The following SRGAP2 variants were observed in gnomAD, a reference collection of about 807,000 sequenced individuals.
SRGAP2 encodes the protein SLIT-ROBO Rho GTPase-activating protein 2.
A neutral mutation model predicts 57.2 loss-of-function variants in SRGAP2; 15 were observed. That is an observed-to-expected ratio of 0.26 (90% CI 0.18 to 0.40). The LOEUF is 0.40. SRGAP2 is among the 10% of genes least tolerant of loss of function. SRGAP2 has a pLI of 1.00. For synonymous variants in SRGAP2, 249 were observed against 248.0 expected (o/e 1.00, Z -0.04); for missense variants, 520 against 669.6 (o/e 0.78, Z 2.47).
intron 2 of SRGAP2, among the ~76,000 whole-genome samples, chr1:206,260,321 G>A (rs1461362003): frequency 2.7e-5 from 4 of 145,844 alleles, no homozygotes; most frequent in African/African-American, 1.0e-4. Context: ...GTCCCAAAGT[G>A]GACGAAATGG....
At chr1:206,368,591 T>TA (rs1423271512) in intron 4 of SRGAP2, among the ~76,000 whole-genome samples, 2 of 87,804 alleles carry the variant, frequency 2.3e-5, no homozygotes, top group East Asian at 6.6e-4. Flanking sequence ...GTTTTCAAAA[T>TA]TTAAACTTAG....
At chr1:206,392,152 C>T (rs1239865174) in intron 5 of SRGAP2, among the ~76,000 whole-genome samples, 1 of 151,982 alleles carries the variant, frequency 6.6e-6, no homozygotes, top group East Asian at 1.9e-4. Flanking sequence ...CTGGATAAAG[C>T]AGAACAGACA....
chr1:206,281,461 G>A (rs1412911101), intron 2 of SRGAP2, among the ~76,000 whole-genome samples: 2 of 105,302 alleles, frequency 1.9e-5, no homozygotes, highest in African/African-American at 1.1e-4. Flanking sequence ...CCTGCCCAGG[G>A]AACCTGGAGA....
At chr1:206,413,330 T>C (rs1407786955) in intron 10 of SRGAP2, among the ~76,000 whole-genome samples, 1 of 152,180 alleles carries the variant, frequency 6.6e-6, no homozygotes, top group African/African-American at 2.4e-5. Context: ...TTTCCACCTC[T>C]GGGCCCTAAA....
chr1:206,384,879 C>T (rs1572014036), intron 5 of SRGAP2, among the ~76,000 whole-genome samples: 2 of 148,884 alleles, frequency 1.3e-5, no homozygotes, highest in East Asian at 4.0e-4. Flanking sequence ...TCAGGGGCCC[C>T]TTCTCCAGCT....
intron 10 of SRGAP2, among the ~76,000 whole-genome samples, chr1:206,411,889 C>G (rs1659256231): frequency 6.6e-6 from 1 of 152,192 alleles, no homozygotes; most frequent in Admixed American, 6.5e-5. Context: ...CTTTTAGGTT[C>G]ACTGAGGAGG....
intron 17 of SRGAP2, among the ~76,000 whole-genome samples, chr1:206,443,278 T>A (rs1662470411): frequency 6.6e-6 from 1 of 152,176 alleles, no homozygotes; most frequent in Admixed American, 6.6e-5. Flanking sequence ...CATGAGTGAC[T>A]ACAAGTCGAC....
chr1:206,388,161 G>GA (rs1239066371), intron 5 of SRGAP2, among the ~76,000 whole-genome samples: 1 of 148,474 alleles, frequency 6.7e-6, no homozygotes, highest in East Asian at 2.0e-4. Context: ...CTAGAATTGA[G>GA]AAAAAAGAGG....
intron 2 of SRGAP2, among the ~76,000 whole-genome samples, chr1:206,263,522 A>G (rs1669696379): frequency 6.6e-6 from 1 of 152,164 alleles, no homozygotes; most frequent in African/African-American, 2.4e-5. Context: ...TGATGGACAG[A>G]TTGCCCCTCC....
At chr1:206,237,292 A>AG (rs1356706112) in intron 2 of SRGAP2, among the ~76,000 whole-genome samples, 10 of 152,026 alleles carry the variant, frequency 6.6e-5, no homozygotes, top group Middle Eastern at 3.2e-3. Context: ...CCTGTCTCAG[A>AG]GGGGGGAAAA....
At chr1:206,232,144 G>A (rs1474084583) in intron 2 of SRGAP2, among the ~76,000 whole-genome samples, 4 of 151,958 alleles carry the variant, frequency 2.6e-5, no homozygotes, top group Non-Finnish European at 5.9e-5. Flanking sequence ...TTCAGCGTCT[G>A]TGCTCCCGGG....
chr1:206,427,783 G>C (rs1436951980), intron 13 of SRGAP2, among the ~76,000 whole-genome samples: 7 of 152,132 alleles, frequency 4.6e-5, no homozygotes, highest in Non-Finnish European at 1.0e-4. Context: ...CCACACAGCT[G>C]AATTATTGTA....
chr1:206,292,857 C>T (rs1405576078), intron 2 of SRGAP2, among the ~76,000 whole-genome samples: 1 of 150,840 alleles, frequency 6.6e-6, no homozygotes, highest in Non-Finnish European at 1.5e-5. Context: ...ACTGCCTTTT[C>T]CAGTAGGATG....
At chr1:206,455,266 G>C (rs115901160) in intron 21 of SRGAP2, 1 of 552,594 alleles carries the variant, frequency 1.8e-6, no homozygotes, top group Non-Finnish European at 3.3e-6. Flanking sequence ...GTGCTTTACT[G>C]TGTGTTCCCG....
At chr1:206,422,546 C>T (rs1204624355) in intron 13 of SRGAP2, among the ~76,000 whole-genome samples, 5 of 152,164 alleles carry the variant, frequency 3.3e-5, no homozygotes, top group African/African-American at 1.2e-4. Flanking sequence ...GCAGAGGGAG[C>T]AAGCCATTTT....
chr1:206,249,784 C>T (rs2102581110), intron 2 of SRGAP2, among the ~76,000 whole-genome samples: 1 of 151,450 alleles, frequency 6.6e-6, no homozygotes, highest in Admixed American at 6.6e-5. Context: ...TTATCAAGAC[C>T]CTCTAGGCTA....
chr1:206,411,547 G>A (rs1308073834), intron 10 of SRGAP2, among the ~76,000 whole-genome samples: 11 of 152,148 alleles, frequency 7.2e-5, no homozygotes, highest in African/African-American at 2.7e-4. Flanking sequence ...GGGAGGAGGG[G>A]AAATGTCAGC....
rs1489943692 is a variant in SRGAP2, at chr1:206,229,459, C to T, written c.67+23422C>T. Reference sequence around the variant, plus strand: ...AGCTGAAGCCTGGGTGTGGTGGAAACTTGTGCAGGCCTGCTTGGCTGTGCC... The same window carrying T: ...AGCTGAAGCCTGGGTGTGGTGGAAATTTGTGCAGGCCTGCTTGGCTGTGCC... On this transcript the variant is annotated intron_variant, in intron 2 of 22. Coordinates refer to ENST00000573034, the MANE Select transcript of SRGAP2 (RefSeq NM_015326.5). Among the ~76,000 whole-genome samples, 6 of 152,288 alleles carry T rather than the reference C, an allele frequency of 3.9e-5. No individual in the cohort carries two copies. The East Asian group carries it at 9.7e-4, about 25-fold the overall frequency.
intron 2 of SRGAP2, among the ~76,000 whole-genome samples, chr1:206,249,889 T>G (rs1489355376): frequency 6.9e-6 from 1 of 145,870 alleles, no homozygotes; most frequent in Non-Finnish European, 1.5e-5. Flanking sequence ...GGGAAGGGAT[T>G]TTGTCTGTTT....
Sources: allele counts gnomAD v4.1 joint callset (sites outside exome capture counted in the v4.1 genomes callset), GRCh38; gene constraint gnomAD v4.1.1; transcripts MANE v1.5; gene names NCBI Gene and HGNC (gene_info 2026-07-23, HGNC 2026-07-21).